The following ATP6V1G3 variants were observed in gnomAD, a reference collection of about 807,000 sequenced individuals.
ATP6V1G3 encodes ATPase H+ transporting V1 subunit G3, also known as V-type proton ATPase subunit G 3.
ATP6V1G3 carries 9 observed loss-of-function variants against 9.3 expected under a neutral mutation model. That is an observed-to-expected ratio of 0.97 (90% CI 0.59 to 1.69). The LOEUF (loss-of-function observed/expected upper bound fraction) is 1.69. Among genes scored for constraint, ATP6V1G3 ranks in the 40% most tolerant of loss-of-function variants. The pLI is 0.00. For missense variants in ATP6V1G3, 133 were observed against 139.0 expected (o/e 0.96, Z 0.22); for synonymous variants, 43 against 43.8 (o/e 0.98, Z 0.07).
chr1:198,531,697 T>C (rs1164825700), intron 1 of ATP6V1G3, among the ~76,000 whole-genome samples: 5 of 152,076 alleles, frequency 3.3e-5, no homozygotes, highest in Non-Finnish European at 7.4e-5. Context: ...CTTTTCCCAA[T>C]GGAGAAGATA....
chr1:198,532,972 G>T (rs1265713163), intron 1 of ATP6V1G3, among the ~76,000 whole-genome samples: 1 of 152,108 alleles, frequency 6.6e-6, no homozygotes, highest in Non-Finnish European at 1.5e-5. Flanking sequence ...TTCATGAAGG[G>T]TTCTTAGCCA....
intron 2 of ATP6V1G3, among the ~76,000 whole-genome samples, chr1:198,528,469 G>C (rs1426921957): frequency 6.6e-6 from 1 of 152,068 alleles, no homozygotes; most frequent in East Asian, 1.9e-4. Flanking sequence ...AACATGGAAA[G>C]GAGGGTGTCC....
At chr1:198,528,738 T>C (rs1292616225) in intron 2 of ATP6V1G3, among the ~76,000 whole-genome samples, 3 of 152,048 alleles carry the variant, frequency 2.0e-5, no homozygotes, top group Non-Finnish European at 4.4e-5. Context: ...ACATGTTCTC[T>C]GAAGTTATTT....
At chr1:198,536,147 T>G (rs1660103216) in intron 1 of ATP6V1G3, among the ~76,000 whole-genome samples, 1 of 152,170 alleles carries the variant, frequency 6.6e-6, no homozygotes, top group East Asian at 1.9e-4. Context: ...CAGAAATGAT[T>G]TGGGAATATG....
intron 2 of ATP6V1G3, among the ~76,000 whole-genome samples, chr1:198,525,610 C>T (rs994410375): frequency 2.6e-5 from 4 of 152,000 alleles, no homozygotes; most frequent in Non-Finnish European, 5.9e-5. Context: ...GAAGTAGGTG[C>T]AGTTATTTTA....
chr1:198,525,550 C>T (rs963856626), intron 2 of ATP6V1G3, among the ~76,000 whole-genome samples: 5 of 151,958 alleles, frequency 3.3e-5, no homozygotes, highest in African/African-American at 1.2e-4. Context: ...AAAGGCAACT[C>T]ATATATATGT....
At chr1:198,535,075 A>T (rs978659507) in intron 1 of ATP6V1G3, among the ~76,000 whole-genome samples, 4 of 152,208 alleles carry the variant, frequency 2.6e-5, no homozygotes, top group Non-Finnish European at 4.4e-5. Flanking sequence ...TACAATAAAT[A>T]GTTTTGTGTA....
intron 1 of ATP6V1G3, among the ~76,000 whole-genome samples, chr1:198,532,236 A>G (rs1324967148): frequency 2.6e-5 from 4 of 152,154 alleles, no homozygotes; most frequent in Non-Finnish European, 5.9e-5. Context: ...AGGAGAAAAG[A>G]AGGCTAAGGT....
chr1:198,525,460 A>T (rs1659616809), intron 2 of ATP6V1G3, among the ~76,000 whole-genome samples: 1 of 152,154 alleles, frequency 6.6e-6, no homozygotes, highest in African/African-American at 2.4e-5. Flanking sequence ...TCCATTTGAT[A>T]AGATACTGTA....
chr1:198,532,393 C>T (rs1659939763), intron 1 of ATP6V1G3, among the ~76,000 whole-genome samples: 1 of 152,116 alleles, frequency 6.6e-6, no homozygotes, highest in Non-Finnish European at 1.5e-5. Context: ...TCAAAAGACA[C>T]AGAGAACTGA....
chr1:198,527,244 G>C (rs1221717600), intron 2 of ATP6V1G3, among the ~76,000 whole-genome samples: 3 of 152,062 alleles, frequency 2.0e-5, no homozygotes, highest in Non-Finnish European at 2.9e-5. Flanking sequence ...CTGTGCTAAT[G>C]GTTTTACAAA....
Position 198,523,517 on chromosome 1 carries a change from T to C in ATP6V1G3, c.231A>G (p.Thr77=). ...CATTAAGTTCTTGTATCTTCCCTAG[T>C]GTTTGTTCTTCTATTTCATCTGAGA... ...NNLSDEIEEQ[T]LGKIQELNGH... Residue 77 remains threonine, a synonymous_variant, in exon 3 of 3, where the codon ACA becomes ACG. Coordinates refer to ENST00000367382, the MANE Select transcript of ATP6V1G3 (RefSeq NM_001376861.1). The C allele has an allele frequency of 1.9e-6, 3 of 1,613,596 alleles. No homozygotes were observed. Among genetic ancestry groups the C allele is most frequent in the Non-Finnish European group, 1.7e-6 (2 of 1,179,748 alleles).
intron 1 of ATP6V1G3, 52 bp downstream of exon 1, chr1:198,540,517 C>A (rs1660302759): frequency 6.4e-7 from 1 of 1,565,548 alleles, no homozygotes; most frequent in Admixed American, 1.7e-5. Context: ...CTTATCCCTG[C>A]ATTCCACTGC....
Position 198,523,255 on chromosome 1 carries a change from T to C in ATP6V1G3, c.*136A>G. 1.2e-6 allele frequency: 1 copy of C among 822,542 alleles called. No homozygotes were observed. Among genetic ancestry groups the C allele is most frequent in the Non-Finnish European group, 1.9e-6 (1 of 523,066 alleles). 51.0% of individuals were successfully genotyped at this position (822,542 alleles called of 1,614,324 possible). A position where few individuals can be genotyped will look rare whatever the true frequency, so the allele number is the denominator to read the frequency against. ...TGTTTTGTTTAATTCAGTGCCGATG[T>C]ATGAGTTATGTCACATTTCCTGTAA... is the stretch of plus-strand genomic sequence containing the variant. On this transcript the variant is annotated 3_prime_UTR_variant, in exon 3 of 3. Transcript: ENST00000367382.
At chr1:198,536,210 T>G (rs1446202219) in intron 1 of ATP6V1G3, among the ~76,000 whole-genome samples, 1 of 152,176 alleles carries the variant, frequency 6.6e-6, no homozygotes, top group Admixed American at 6.5e-5. Context: ...AGAACAATGT[T>G]AATGCAGAGC....
At chr1:198,540,752 G>T, upstream of ATP6V1G3, 2 of 1,237,528 alleles carry the variant, frequency 1.6e-6, no homozygotes, top group Non-Finnish European at 2.4e-6. Flanking sequence ...TGTGTCAACA[G>T]CAAGTTCCAA....
At chr1:198,524,739 C>T (rs765418140) in intron 2 of ATP6V1G3, among the ~76,000 whole-genome samples, 18 of 152,154 alleles carry the variant, frequency 1.2e-4, no homozygotes, top group Admixed American at 7.9e-4. Flanking sequence ...CAACTCCTAA[C>T]GTATCTCCTT....
At chr1:198,527,667 A>T (rs1166913568) in intron 2 of ATP6V1G3, among the ~76,000 whole-genome samples, 1 of 152,174 alleles carries the variant, frequency 6.6e-6, no homozygotes, top group Non-Finnish European at 1.5e-5. Flanking sequence ...TCTTTCAACA[A>T]ATATTTATTG....
chr1:198,525,176 A>G (rs1659605496), intron 2 of ATP6V1G3, among the ~76,000 whole-genome samples: 2 of 152,226 alleles, frequency 1.3e-5, no homozygotes, highest in Admixed American at 1.3e-4. Flanking sequence ...GAAGAGAACT[A>G]CTTATTAAAA....
Sources: allele counts gnomAD v4.1 joint callset (sites outside exome capture counted in the v4.1 genomes callset), GRCh38; gene constraint gnomAD v4.1.1; transcripts MANE v1.5; gene names NCBI Gene and HGNC (gene_info 2026-07-23, HGNC 2026-07-21).